The following ABI1 variants were observed in gnomAD, a reference collection of about 807,000 sequenced individuals.
ABI1 encodes the protein Abelson interactor 1.
Under a neutral mutation model 54.6 loss-of-function variants are expected in ABI1, and 14 were observed. That is an observed-to-expected ratio of 0.26 (90% CI 0.17 to 0.40). The LOEUF (loss-of-function observed/expected upper bound fraction) is 0.40, where lower values mean the gene tolerates loss of function less well. ABI1 is among the 10% of genes least tolerant of loss of function. The pLI is 1.00. For synonymous variants in ABI1, 194 were observed against 209.3 expected (o/e 0.93, Z 0.63); for missense variants, 443 against 598.3 (o/e 0.74, Z 2.71).
At chr10:26,773,714 G>C (rs974763045) in intron 3 of ABI1, among the ~76,000 whole-genome samples, 1 of 152,100 alleles carries the variant, frequency 6.6e-6, no homozygotes, top group Non-Finnish European at 1.5e-5. Flanking sequence ...ACAATTAAAA[G>C]AAACTTAATC....
chr10:26,820,662 A>G (rs1207060393), intron 2 of ABI1, among the ~76,000 whole-genome samples: 2 of 148,968 alleles, frequency 1.3e-5, no homozygotes, highest in Non-Finnish European at 3.0e-5. Flanking sequence ...ATCTCGGCTC[A>G]CTGCAACCTC....
chr10:26,860,956 A>ACCGCCTAC lies in ABI1; in HGVS notation c.-94_-93insGTAGGCGG. On this transcript the variant is annotated 5_prime_UTR_variant, in exon 1 of 11. Transcript: ENST00000376140. This position sits in a 1 kb window ranked among gnomAD's most constrained non-coding sequence, Gnocchi z 4.1. ...CGAGCACCTCACAGCCCGGATACAA[A>ACCGCCTAC]CCGCCTACCCGCCCTCCCGCCTGGT... 1 of 1,122,662 alleles carries ACCGCCTAC rather than the reference A, an allele frequency of 8.9e-7. No individual in the cohort carries two copies. The highest frequency in any genetic ancestry group is 1.3e-6 in the Non-Finnish European group (1 of 745,136). The allele number at this position is 1,122,662 out of a possible 1,614,324, so 69.5% of individuals were successfully genotyped here.
intron 1 of ABI1, among the ~76,000 whole-genome samples, chr10:26,835,690 G>C (rs1218225766): frequency 6.6e-6 from 1 of 151,866 alleles, no homozygotes. Context: ...TGAGTTGTGA[G>C]ATATGGGTAA....
intron 1 of ABI1, among the ~76,000 whole-genome samples, chr10:26,843,469 AAAAAAAAAAAAAAAAAATATATATATAT>A (rs1195699693): frequency 1.6e-4 from 13 of 83,002 alleles, no homozygotes; most frequent in African/African-American, 5.6e-4. Flanking sequence ...AAAAAAAAAA[AAAAAAAAAAAAAAAAAATATATATATAT>A]ATATATATAT....
intron 6 of ABI1, among the ~76,000 whole-genome samples, chr10:26,767,027 A>G (rs1343430212): frequency 3.9e-5 from 6 of 152,174 alleles, no homozygotes. Flanking sequence ...CTGGCCCTTT[A>G]TAGAAAAAGT....
rs1463115167 is a variant in ABI1 at position 26,769,311 on chromosome 10, A to G, written c.579-319T>C. Among the ~76,000 whole-genome samples the G allele has an allele frequency of 2.0e-5, 3 of 152,182 alleles. No individual in the cohort carries two copies. In the East Asian group the frequency reaches 5.8e-4, roughly 29 times the overall value. On this transcript the variant is annotated intron_variant, in intron 5 of 10. Transcript: ENST00000376140. ...AAACTTTAAAATGTACATTTTTCTC[A>G]GTACAGTCACCCATAAGCCACTGTT... is the stretch of plus-strand genomic sequence containing the variant.
rs1157682111 is a variant in ABI1 at position 26,746,801 on chromosome 10, G to T, written c.*1769C>A. 1 of 398,472 alleles carries T rather than the reference G, an allele frequency of 2.5e-6. No individual in the cohort carries two copies. The highest frequency in any genetic ancestry group is 4.7e-6 in the Non-Finnish European group (1 of 212,818). 24.7% of individuals were successfully genotyped at this position (398,472 alleles called of 1,614,324 possible). A position where few individuals can be genotyped will look rare whatever the true frequency, so the allele number is the denominator to read the frequency against. ...AATAACCAATGTTAAAATTCAAATG[G>T]TTTGTCTTGATTTACCGTAGGAGTA... is the stretch of plus-strand genomic sequence containing the variant. On this transcript the variant is annotated 3_prime_UTR_variant, in exon 11 of 11. Transcript: ENST00000376140.
At chr10:26,817,800 T>G (rs186061040) in intron 2 of ABI1, among the ~76,000 whole-genome samples, 21 of 152,194 alleles carry the variant, frequency 1.4e-4, no homozygotes, top group Admixed American at 9.8e-4. Flanking sequence ...ACCAGCAGAA[T>G]AGAGCAACAC....
chr10:26,806,558 C>T (rs2046889417), intron 2 of ABI1, among the ~76,000 whole-genome samples: 1 of 152,308 alleles, frequency 6.6e-6, no homozygotes, highest in African/African-American at 2.4e-5. Context: ...GCCTGAAACC[C>T]TTGCATAACG....
intron 3 of ABI1, among the ~76,000 whole-genome samples, chr10:26,773,539 C>T (rs573762840): frequency 2.6e-5 from 4 of 152,006 alleles, no homozygotes; most frequent in African/African-American, 9.6e-5. Context: ...TAACTCACTC[C>T]TCTGCTTTAT....
At chr10:26,797,900 T>A (rs2133311082) in intron 2 of ABI1, among the ~76,000 whole-genome samples, 1 of 152,314 alleles carries the variant, frequency 6.6e-6, no homozygotes, top group Middle Eastern at 3.4e-3. Context: ...TTATGTCTTG[T>A]TAAAGTCATT....
chr10:26,794,623 A>T (rs1055459268), intron 2 of ABI1, among the ~76,000 whole-genome samples: 1 of 151,438 alleles, frequency 6.6e-6, no homozygotes, highest in Non-Finnish European at 1.5e-5. Context: ...AAAAACAGTT[A>T]TCAACTTCAC....
intron 2 of ABI1, among the ~76,000 whole-genome samples, chr10:26,809,262 T>C (rs941797710): frequency 6.7e-6 from 1 of 149,070 alleles, no homozygotes; most frequent in African/African-American, 2.5e-5. Context: ...AGAGTGAGAC[T>C]TATCTCAAAA....
intron 3 of ABI1, among the ~76,000 whole-genome samples, chr10:26,776,372 C>T (rs993565598): frequency 9.2e-5 from 14 of 152,140 alleles, no homozygotes; most frequent in Non-Finnish European, 1.9e-4. Flanking sequence ...ATCAAATAGT[C>T]CTCTTGGAAA....
intron 2 of ABI1, among the ~76,000 whole-genome samples, chr10:26,792,028 C>T (rs1445922376): frequency 1.3e-5 from 2 of 151,918 alleles, no homozygotes; most frequent in Non-Finnish European, 2.9e-5. Flanking sequence ...AGGATGAATC[C>T]ATTGTTATAA....
chr10:26,795,181 T>C (rs1843995030), intron 2 of ABI1, among the ~76,000 whole-genome samples: 1 of 149,092 alleles, frequency 6.7e-6, no homozygotes, highest in Admixed American at 6.7e-5. Flanking sequence ...CCAAGTTACA[T>C]AACTGTGAAA....
chr10:26,840,004 C>G (rs1464767770), intron 1 of ABI1, among the ~76,000 whole-genome samples: 1 of 151,748 alleles, frequency 6.6e-6, no homozygotes, highest in Non-Finnish European at 1.5e-5. Context: ...AAAACAAAAA[C>G]AAAAACAAAA....
intron 1 of ABI1, among the ~76,000 whole-genome samples, chr10:26,832,331 C>A (rs1347907089): frequency 6.6e-6 from 1 of 152,064 alleles, no homozygotes; most frequent in African/African-American, 2.4e-5. Context: ...TCCTGTAATC[C>A]CAGCACTTTG....
At chr10:26,758,203 GT>G (rs1359493829) in intron 8 of ABI1, among the ~76,000 whole-genome samples, 2 of 151,662 alleles carry the variant, frequency 1.3e-5, no homozygotes, top group African/African-American at 2.4e-5. Flanking sequence ...AGTATTAAGT[GT>G]TTTTATATAA....
Sources: gnomAD v4.1 joint callset for allele counts (sites outside exome capture counted in the v4.1 genomes callset) on GRCh38, gnomAD v4.1.1 for gene constraint, Gnocchi (gnomAD v3.1) non-coding constraint, MANE v1.5 for transcripts, NCBI Gene and HGNC (gene_info 2026-07-23, HGNC 2026-07-21) for gene names.